PDZRN4: variants seen among roughly 807,000 people sequenced by gnomAD.
PDZRN4 encodes PDZ domain containing ring finger 4.
In PDZRN4, 70 loss-of-function variants were observed where a neutral mutation model predicts 99.0. That is an observed-to-expected ratio of 0.71 (90% confidence interval 0.58 to 0.86). The LOEUF (loss-of-function observed/expected upper bound fraction) is 0.86, where lower values mean the gene tolerates loss of function less well. Among genes scored for constraint, PDZRN4 ranks in the 40% least tolerant of loss-of-function variants. The pLI, the probability that PDZRN4 is intolerant of heterozygous loss-of-function variation, is 0.00. For synonymous variants in PDZRN4, 551 were observed against 501.6 expected, an observed-to-expected ratio of 1.10 and a Z score of -1.32; for missense variants, 1,474 against 1,331.2, an observed-to-expected ratio of 1.11 and a Z score of -1.67.
At chr12:41,388,206 C>T (rs11180877) in intron 3 of PDZRN4, among the ~76,000 whole-genome samples, 7,786 of 152,032 alleles carry the variant, frequency 0.051, 596 homozygotes, top group African/African-American at 0.16. Flanking sequence ...GATGAGACCA[C>T]ATGGATCAAT....
intron 3 of PDZRN4, among the ~76,000 whole-genome samples, chr12:41,292,699 T>G (rs116874397): frequency 6.7e-6 from 1 of 150,258 alleles, no homozygotes; most frequent in East Asian, 1.9e-4. Flanking sequence ...ATTCTAAGTA[T>G]GCTGAAGCAT....
intron 3 of PDZRN4, among the ~76,000 whole-genome samples, chr12:41,464,392 C>T (rs1211251385): frequency 6.6e-6 from 1 of 152,166 alleles, no homozygotes; most frequent in East Asian, 1.9e-4. Flanking sequence ...ATCTGTCCTG[C>T]TAATCATTTC....
Position 41,188,842 on chromosome 12 carries a change from G to C in PDZRN4, c.387G>C (p.Ala129=), listed in dbSNP as rs1950713138. ...ASGLGGGEVP[A]RGGCGPTPRA... ...GGCTGGGCGGTGGTGAGGTGCCCGC[G>C]CGGGGGGGCTGCGGTCCGACACCCA... is the stretch of plus-strand genomic sequence containing the variant. Residue 129 remains alanine, a synonymous_variant, in exon 1 of 10, where the codon GCG becomes GCC. Transcript: ENST00000402685. The C allele has an allele frequency of 7.9e-7, 1 of 1,270,108 alleles. No homozygotes were observed. The highest frequency in any genetic ancestry group is 1.6e-5 in the African/African-American group (1 of 63,916). The allele number at this position is 1,270,108 out of a possible 1,614,324, so 78.7% of individuals were successfully genotyped here. A position where few individuals can be genotyped will look rare whatever the true frequency, so the allele number is the denominator to read the frequency against.
chr12:41,193,697 G>A (rs1950751547), intron 2 of PDZRN4, among the ~76,000 whole-genome samples: 1 of 152,122 alleles, frequency 6.6e-6, no homozygotes, highest in Admixed American at 6.6e-5. Context: ...TATACAGTGG[G>A]AACCAGATAT....
chr12:41,295,968 C>T (rs1031250545), intron 3 of PDZRN4, among the ~76,000 whole-genome samples: 7 of 152,034 alleles, frequency 4.6e-5, no homozygotes, highest in Non-Finnish European at 1.0e-4. Context: ...CCATCCATTT[C>T]CTCAAAAATT....
At chr12:41,198,992 T>G (rs1950797148) in intron 3 of PDZRN4, among the ~76,000 whole-genome samples, 1 of 152,196 alleles carries the variant, frequency 6.6e-6, no homozygotes, top group Admixed American at 6.5e-5. Flanking sequence ...GTCACGTTTA[T>G]TTAGCTAACA....
chr12:41,203,480 C>G (rs1183128466), intron 3 of PDZRN4, among the ~76,000 whole-genome samples: 1 of 151,994 alleles, frequency 6.6e-6, no homozygotes, highest in Admixed American at 6.6e-5. Context: ...TCTTGCTTGG[C>G]AGCCATTTGG....
intron 5 of PDZRN4, among the ~76,000 whole-genome samples, chr12:41,516,012 C>T (rs932077276): frequency 6.6e-6 from 1 of 151,994 alleles, no homozygotes; most frequent in African/African-American, 2.4e-5. Context: ...TGTGTGCTTT[C>T]CTTTCTTTGT....
At chr12:41,552,287 T>C (rs1316482044) in intron 5 of PDZRN4, among the ~76,000 whole-genome samples, 1 of 152,214 alleles carries the variant, frequency 6.6e-6, no homozygotes, top group Non-Finnish European at 1.5e-5. Context: ...CCTCATGTTT[T>C]TATGAACATT....
intron 5 of PDZRN4, among the ~76,000 whole-genome samples, chr12:41,551,170 C>A (rs1939046785): frequency 6.6e-6 from 1 of 152,138 alleles, no homozygotes; most frequent in African/African-American, 2.4e-5. Context: ...CTGGTGAGGG[C>A]CTGTTCCTCA....
intron 3 of PDZRN4, among the ~76,000 whole-genome samples, chr12:41,257,486 T>C (rs1011032304): frequency 6.6e-6 from 1 of 152,114 alleles, no homozygotes; most frequent in Non-Finnish European, 1.5e-5. Flanking sequence ...CAATGGTGAG[T>C]CAACTGCACA....
At chr12:41,346,134 C>A (rs969636429) in intron 3 of PDZRN4, among the ~76,000 whole-genome samples, 1 of 152,166 alleles carries the variant, frequency 6.6e-6, no homozygotes, top group Non-Finnish European at 1.5e-5. Context: ...ATCTTGTGCG[C>A]ATCCCCTGAA....
chr12:41,424,441 TA>T (rs1299718142), intron 3 of PDZRN4, among the ~76,000 whole-genome samples: 1 of 152,180 alleles, frequency 6.6e-6, no homozygotes, highest in East Asian at 1.9e-4. Context: ...TAACAATTTT[TA>T]TACTGACATT....
At chr12:41,365,783 A>G (rs1172345496) in intron 3 of PDZRN4, among the ~76,000 whole-genome samples, 6 of 152,122 alleles carry the variant, frequency 3.9e-5, no homozygotes, top group Admixed American at 3.9e-4. Flanking sequence ...TACTGGTAGC[A>G]AAGCTGATCA....
At chr12:41,395,459 CCT>C (rs1285992724) in intron 3 of PDZRN4, among the ~76,000 whole-genome samples, 2 of 152,080 alleles carry the variant, frequency 1.3e-5, no homozygotes, top group Non-Finnish European at 2.9e-5. Context: ...TTGAAATCAA[CCT>C]CTGTTTTTCA....
chr12:41,381,490 CTT>C (rs1409699024), intron 3 of PDZRN4, among the ~76,000 whole-genome samples: 1 of 152,112 alleles, frequency 6.6e-6, no homozygotes, highest in African/African-American at 2.4e-5. Flanking sequence ...TTCACTGACT[CTT>C]TATTCCACTT....
chr12:41,452,449 A>AAG (rs1555143733), intron 3 of PDZRN4, among the ~76,000 whole-genome samples: 3 of 141,820 alleles, frequency 2.1e-5, no homozygotes, highest in Non-Finnish European at 3.0e-5. Context: ...AAAAAAAAAA[A>AAG]AAAGAAAGAA....
intron 5 of PDZRN4, among the ~76,000 whole-genome samples, chr12:41,528,756 C>T (rs147588132): frequency 4.6e-5 from 7 of 152,132 alleles, no homozygotes; most frequent in Non-Finnish European, 8.8e-5. Context: ...CTTTACTTTC[C>T]GGCACACAGC....
chr12:41,401,628 G>C (rs547854531), intron 3 of PDZRN4, among the ~76,000 whole-genome samples: 10 of 152,008 alleles, frequency 6.6e-5, no homozygotes, highest in African/African-American at 2.2e-4. Context: ...CTTCACTTTT[G>C]TGCAAATGCT....
Sources: allele counts gnomAD v4.1 joint callset (sites outside exome capture counted in the v4.1 genomes callset), GRCh38; gene constraint gnomAD v4.1.1; transcripts MANE v1.5; gene names NCBI Gene and HGNC (gene_info 2026-07-23, HGNC 2026-07-21).